Variants in THOC2 observed in about 807,000 individuals in gnomAD.
The protein encoded by THOC2 is THO complex 2.
In THOC2, 10 loss-of-function variants were observed where a neutral mutation model predicts 128.4. That is an observed-to-expected ratio of 0.08 (90% confidence interval 0.05 to 0.13). THOC2 has a LOEUF of 0.13. THOC2 is among the 10% of genes least tolerant of loss of function. The pLI is 1.00. For synonymous variants in THOC2, 393 were observed against 396.9 expected (o/e 0.99, Z 0.12); for missense variants, 535 against 1,155.7 (o/e 0.46, Z 7.79).
intron 33 of THOC2, among the ~76,000 whole-genome samples, chrX:123,615,728 G>A (rs1231150622): frequency 9.2e-6 from 1 of 108,789 alleles, no homozygotes; most frequent in Non-Finnish European, 1.9e-5. Context: ...TTTCTGTACT[G>A]TGAGGAATTG....
rs1012901059 is a variant in THOC2 at position 123,626,192 on chromosome X, T to G, written c.2900-123A>C. The G allele has an allele frequency of 1.2e-5, 6 of 499,432 alleles. No homozygotes were observed. In the Middle Eastern group the frequency reaches 1.8e-3, roughly 150 times the overall value. The allele number at this position is 499,432 out of a possible 1,213,427, so 41.2% of individuals were successfully genotyped here. ...ACTATAAACCACAAACTATTTATAG[T>G]TTGTAACCAAATGTCATGCCTGGTC... On this transcript the variant is annotated intron_variant, in intron 24 of 38. Coordinates refer to ENST00000245838, the MANE Select transcript of THOC2 (RefSeq NM_001081550.2).
rs374090678 is a variant in THOC2, at chrX:123,623,302, G to A, written c.3504-19C>T. On this transcript the variant is annotated intron_variant, in intron 28 of 38. Transcript: ENST00000245838. ...AGAGTAGCTGAAAGTCGCACAAAGT[G>A]TTTAAATATACAAACACAAATCAAA... is the stretch of plus-strand genomic sequence containing the variant. 33 of 1,149,699 alleles carry A rather than the reference G, an allele frequency of 2.9e-5. No individual in the cohort carries two copies. The African/African-American group carries it at 5.7e-4, about 20-fold the overall frequency. The allele number at this position is 1,149,699 out of a possible 1,213,427, so 94.7% of individuals were successfully genotyped here.
chrX:123,712,641 C>T (rs1487094231), intron 2 of THOC2, among the ~76,000 whole-genome samples: 1 of 112,080 alleles, frequency 8.9e-6, no homozygotes, highest in Non-Finnish European at 1.9e-5. Context: ...AATATCATAT[C>T]ATTATAATGC....
intron 36 of THOC2, among the ~76,000 whole-genome samples, chrX:123,612,795 G>A (rs1016622642): frequency 9.0e-6 from 1 of 111,144 alleles, no homozygotes; most frequent in Non-Finnish European, 1.9e-5. Context: ...TGAATAAATG[G>A]CATATATTTT....
intron 38 of THOC2, among the ~76,000 whole-genome samples, chrX:123,604,241 T>C (rs1372476296): frequency 8.9e-6 from 1 of 112,077 alleles, no homozygotes; most frequent in East Asian, 2.8e-4. Flanking sequence ...ATAAGCTGTA[T>C]TGGTAATATC....
chrX:123,615,571 G>A (rs188067429), intron 33 of THOC2, among the ~76,000 whole-genome samples: 94 of 107,402 alleles, frequency 8.8e-4, no homozygotes, highest in African/African-American at 2.5e-3. Context: ...TTATGAAAAT[G>A]ATTAAGACAA....
chrX:123,624,707 A>C, intron 25 of THOC2, 38 bp from the exon 26 acceptor site: 1 of 1,158,834 alleles, frequency 8.6e-7, no homozygotes. Context: ...TAAACAAATC[A>C]AGGTCAAAAT....
At chrX:123,621,095 C>T in intron 31 of THOC2, 62 bp downstream of exon 31, 1 of 1,174,925 alleles carries the variant, frequency 8.5e-7, no homozygotes, top group Non-Finnish European at 1.1e-6. Context: ...AACAAGGAGA[C>T]AATAACCAAC....
At chrX:123,700,006 C>T (rs929551512) in intron 4 of THOC2, among the ~76,000 whole-genome samples, 2 of 111,209 alleles carry the variant, frequency 1.8e-5, no homozygotes, top group African/African-American at 6.6e-5. Context: ...CATTTATTAT[C>T]CCTGACTCCT....
In THOC2 at chrX:123,644,686, C is replaced by A; in HGVS notation, c.1560-10G>T. 8.5e-7 allele frequency: 1 copy of A among 1,182,457 alleles called. No homozygotes were observed. The highest frequency in any genetic ancestry group is 1.1e-6 in the Non-Finnish European group (1 of 876,439). On this transcript the variant is annotated splice_polypyrimidine_tract_variant and intron_variant, in intron 14 of 38. Coordinates refer to ENST00000245838, the MANE Select transcript of THOC2 (RefSeq NM_001081550.2). Reference sequence around the variant, plus strand: ...GCCATACAGACGATATCTTAAAAAACGATGAGATGAAGAATTAGGAAAAGT... The same window carrying A: ...GCCATACAGACGATATCTTAAAAAAAGATGAGATGAAGAATTAGGAAAAGT...
chrX:123,625,748 T>TGCC, intron 25 of THOC2, among the ~76,000 whole-genome samples, 164 bp downstream of exon 25: 1 of 111,711 alleles, frequency 9.0e-6, no homozygotes, highest in Admixed American at 9.5e-5. Context: ...TTAAATAACT[T>TGCC]GCCAAAGATC....
intron 4 of THOC2, among the ~76,000 whole-genome samples, chrX:123,699,616 C>T (rs776019349): frequency 9.0e-6 from 1 of 110,569 alleles, no homozygotes; most frequent in South Asian, 3.9e-4. Flanking sequence ...TGTATCTATG[C>T]TCCAGGGCCC....
At chrX:123,679,595 G>A (rs1366950141) in intron 8 of THOC2, among the ~76,000 whole-genome samples, 1 of 111,310 alleles carries the variant, frequency 9.0e-6, no homozygotes, top group Non-Finnish European at 1.9e-5. Flanking sequence ...TTTCTGGCCT[G>A]GTCTATTCTC....
chrX:123,668,127 T>C, intron 10 of THOC2, 32 bp downstream of exon 10: 1 of 1,020,321 alleles, frequency 9.8e-7, no homozygotes, highest in East Asian at 3.3e-5. Context: ...ATCCAGAAGA[T>C]AGTGTTAATT....
chrX:123,644,912 A>T lies in THOC2; in HGVS notation c.1429-3T>A, dbSNP rs765429278. The T allele has an allele frequency of 2.7e-5, 32 of 1,187,322 alleles. No individual in the cohort carries two copies. The South Asian group carries it at 5.8e-4, about 22-fold the overall frequency. ...AGCAAACAGCTAAGGATAACTTCCT[A>T]AAAGAAAGAAGGAAAAGTTATTTCA... On this transcript the variant is annotated splice_polypyrimidine_tract_variant and splice_region_variant and intron_variant, in intron 13 of 38. Transcript: ENST00000245838.
intron 7 of THOC2, among the ~76,000 whole-genome samples, chrX:123,690,679 A>G (rs774779324): frequency 7.1e-5 from 8 of 112,034 alleles, no homozygotes; most frequent in Non-Finnish European, 1.3e-4. Context: ...TCCAGCCTAT[A>G]AATTTCAGGC....
intron 38 of THOC2, 144 bp downstream of exon 38, chrX:123,610,774 A>G: frequency 2.2e-6 from 1 of 458,684 alleles, no homozygotes; most frequent in South Asian, 4.2e-5. Context: ...CTTGTTTTGC[A>G]TCTATACCCG....
chrX:123,640,158 G>C (rs2047854658), intron 16 of THOC2, among the ~76,000 whole-genome samples: 1 of 111,543 alleles, frequency 9.0e-6, no homozygotes, highest in South Asian at 3.8e-4. Context: ...CTGCACTCCA[G>C]CCTGGGCAAT....
At chrX:123,720,429 C>A (rs6649069) in intron 1 of THOC2, among the ~76,000 whole-genome samples, 6,544 of 110,689 alleles carry the variant, frequency 0.059, 187 homozygotes, top group East Asian at 0.24. Flanking sequence ...GCATGGGTGA[C>A]AAAGCAAAAG....
Sources: allele counts gnomAD v4.1 joint callset (sites outside exome capture counted in the v4.1 genomes callset), GRCh38; gene constraint gnomAD v4.1.1; transcripts MANE v1.5; gene names NCBI Gene and HGNC (gene_info 2026-07-23, HGNC 2026-07-21).